Variants in MBD5 observed in about 807,000 individuals in gnomAD.
MBD5 encodes the protein methyl-CpG-binding domain protein 5.
Under a neutral mutation model 117.3 loss-of-function variants are expected in MBD5, and 13 were observed. The observed-to-expected ratio is 0.11, with a 90% CI of 0.07 to 0.18. The LOEUF is 0.18. Among genes scored for constraint, MBD5 ranks in the 10% least tolerant of loss-of-function variants. MBD5 has a pLI of 1.00. For missense variants in MBD5, 1,879 were observed against 2,093.8 expected, an observed-to-expected ratio of 0.90 and a Z score of 2.00; for synonymous variants, 727 against 766.4, an observed-to-expected ratio of 0.95 and a Z score of 0.85.
At chr2:148,391,109 C>G (rs1032316628) in intron 4 of MBD5, among the ~76,000 whole-genome samples, 1 of 152,096 alleles carries the variant, frequency 6.6e-6, no homozygotes, top group Non-Finnish European at 1.5e-5. Context: ...TCCCAAGACT[C>G]TTTAATAAAC....
chr2:148,510,892 T>A (rs1219531440), intron 13 of MBD5, among the ~76,000 whole-genome samples: 1 of 152,134 alleles, frequency 6.6e-6, no homozygotes, highest in African/African-American at 2.4e-5. Context: ...AAGATCTAGA[T>A]TGGGGATTAT....
intron 1 of MBD5, among the ~76,000 whole-genome samples, chr2:148,060,601 T>C (rs981305888): frequency 6.6e-6 from 1 of 152,204 alleles, no homozygotes; most frequent in Non-Finnish European, 1.5e-5. Flanking sequence ...TTGTTTTTAG[T>C]ATTCTTAAGA....
chr2:148,261,497 G>A (rs1341668467), intron 3 of MBD5, among the ~76,000 whole-genome samples: 1 of 152,138 alleles, frequency 6.6e-6, no homozygotes, highest in Non-Finnish European at 1.5e-5. Flanking sequence ...CTTTTCTTCT[G>A]CAGCTTCCTC....
At chr2:148,371,698 A>G (rs1046491302) in intron 4 of MBD5, among the ~76,000 whole-genome samples, 9 of 152,026 alleles carry the variant, frequency 5.9e-5, no homozygotes, top group Non-Finnish European at 7.4e-5. Context: ...AGTTTTCATC[A>G]TTTTCTTATA....
chr2:148,210,391 G>A (rs1699393260), intron 2 of MBD5, among the ~76,000 whole-genome samples: 2 of 151,316 alleles, frequency 1.3e-5, no homozygotes, highest in Admixed American at 6.6e-5. Context: ...TTATTATATT[G>A]TTCAAGAGAT....
At chr2:148,188,142 G>A (rs1211649724) in intron 2 of MBD5, among the ~76,000 whole-genome samples, 3 of 152,210 alleles carry the variant, frequency 2.0e-5, no homozygotes, top group African/African-American at 7.2e-5. Flanking sequence ...TTGGATTTTT[G>A]GATTAGGGAT....
In MBD5 at chr2:148,367,075, T is replaced by A. The variant is rs529030794; in HGVS notation, c.-557+24739T>A. 3.9e-4 allele frequency among the ~76,000 whole-genome samples: 60 copies of A among 152,168 alleles called. No individual in the cohort carries two copies. The East Asian group carries it at 0.01, about 26-fold the overall frequency. The stretch of plus-strand genomic sequence containing the variant: ...AGGCTTCACACTACCTGACTTCAAA[T>A]TATACTACAAGGCTACAGTAATGAA... On this transcript the variant is annotated intron_variant, in intron 4 of 13. Coordinates refer to ENST00000642680, the MANE Select transcript of MBD5 (RefSeq NM_001378120.1).
chr2:148,090,675 G>C (rs751416188), intron 1 of MBD5, among the ~76,000 whole-genome samples: 4 of 152,042 alleles, frequency 2.6e-5, no homozygotes, highest in Admixed American at 6.5e-5. Context: ...ACCAAAGACA[G>C]CATAGAAGGG....
intron 4 of MBD5, among the ~76,000 whole-genome samples, chr2:148,418,212 T>A (rs1471515834): frequency 1.5e-4 from 23 of 152,288 alleles, no homozygotes; most frequent in Admixed American, 1.5e-3. Context: ...AGATGCATAG[T>A]TTGCAAATAT....
chr2:148,095,584 CAATT>C (rs1696049161), intron 1 of MBD5, among the ~76,000 whole-genome samples: 1 of 151,934 alleles, frequency 6.6e-6, no homozygotes, highest in Non-Finnish European at 1.5e-5. Context: ...AAGGTGGAAA[CAATT>C]AACAATTAGA....
At chr2:148,431,315 T>C (rs569636422) in intron 4 of MBD5, among the ~76,000 whole-genome samples, 1 of 152,282 alleles carries the variant, frequency 6.6e-6, no homozygotes, top group South Asian at 2.1e-4. Context: ...TACTGTCTCA[T>C]ACCACTTTGG....
rs1301833901 is a variant in MBD5 at position 148,422,736 on chromosome 2, ATAAAT to A, written c.-556-35466_-556-35462del. Among the ~76,000 whole-genome samples the A allele has an allele frequency of 3.9e-5, 6 of 152,228 alleles. No individual in the cohort carries two copies. The East Asian group carries it at 1.2e-3, about 29-fold the overall frequency. On this transcript the variant is annotated intron_variant, in intron 4 of 13. Coordinates refer to ENST00000642680, the MANE Select transcript of MBD5 (RefSeq NM_001378120.1). ...TAGAATAACCACTTTAGAGAAGAAC[ATAAAT>A]GACCTCATGGAGCTGAAAAACACAG...
intron 1 of MBD5, among the ~76,000 whole-genome samples, chr2:148,069,522 A>G (rs1177880558): frequency 6.6e-6 from 1 of 152,124 alleles, no homozygotes; most frequent in Non-Finnish European, 1.5e-5. Context: ...TTTATATTAA[A>G]TATCATCTTA....
chr2:148,076,348 G>A (rs1404454218), intron 1 of MBD5, among the ~76,000 whole-genome samples: 1 of 152,152 alleles, frequency 6.6e-6, no homozygotes, highest in African/African-American at 2.4e-5. Flanking sequence ...GAAGTAATGA[G>A]AAATAACCAC....
chr2:148,292,281 A>G (rs974935334), intron 3 of MBD5, among the ~76,000 whole-genome samples: 9 of 152,216 alleles, frequency 5.9e-5, no homozygotes. Context: ...AAGAGACAAC[A>G]AACAGAATGG....
chr2:148,123,923 T>A (rs938392425), intron 1 of MBD5, among the ~76,000 whole-genome samples: 5 of 152,174 alleles, frequency 3.3e-5, no homozygotes, highest in African/African-American at 4.8e-5. Flanking sequence ...TGGTAATTAA[T>A]AAAAATATCT....
chr2:148,374,374 TTG>T (rs1349195147), intron 4 of MBD5, among the ~76,000 whole-genome samples: 6 of 152,312 alleles, frequency 3.9e-5, no homozygotes, highest in Admixed American at 3.9e-4. Flanking sequence ...AATTACCATA[TTG>T]TGTCTTACAT....
At chr2:148,476,339 C>T (rs1367152318) in intron 8 of MBD5, among the ~76,000 whole-genome samples, 1 of 152,208 alleles carries the variant, frequency 6.6e-6, no homozygotes, top group African/African-American at 2.4e-5. Flanking sequence ...ACTTGCATTA[C>T]AGTCCATTAG....
intron 12 of MBD5, among the ~76,000 whole-genome samples, chr2:148,506,974 T>A (rs1682052252): frequency 1.3e-5 from 2 of 152,220 alleles, no homozygotes; most frequent in Non-Finnish European, 2.9e-5. Flanking sequence ...AGATATGACA[T>A]CTGGGAGAGT....
Sources: gnomAD v4.1 joint callset for allele counts (sites outside exome capture counted in the v4.1 genomes callset) on GRCh38, gnomAD v4.1.1 for gene constraint, MANE v1.5 for transcripts, NCBI Gene and HGNC (gene_info 2026-07-23, HGNC 2026-07-21) for gene names.